TM9SF2: variants seen among roughly 807,000 people sequenced by gnomAD.
TM9SF2 encodes 76 kDa membrane protein.
TM9SF2 carries 13 observed loss-of-function variants against 84.9 expected under a neutral mutation model. That is an observed-to-expected ratio of 0.15 (90% CI 0.10 to 0.24). TM9SF2 has a LOEUF of 0.24. Ranked by LOEUF, TM9SF2 falls within the 10% of genes least tolerant of loss-of-function variation. The pLI, the probability that TM9SF2 is intolerant of heterozygous loss-of-function variation, is 1.00. For synonymous variants in TM9SF2, 273 were observed against 285.8 expected, an observed-to-expected ratio of 0.96 and a Z score of 0.45; for missense variants, 562 against 818.5, an observed-to-expected ratio of 0.69 and a Z score of 3.82.
chr13:99,558,860 A>G (rs2046334314), intron 15 of TM9SF2, among the ~76,000 whole-genome samples: 1 of 152,184 alleles, frequency 6.6e-6, no homozygotes, highest in Non-Finnish European at 1.5e-5. Context: ...TCTTCTGTTA[A>G]GCTATAAGCC....
chr13:99,539,588 T>G, intron 7 of TM9SF2, 31 bp downstream of exon 7: 1 of 1,334,122 alleles, frequency 7.5e-7, no homozygotes, highest in Non-Finnish European at 1.1e-6. Flanking sequence ...AGTATAACTC[T>G]GAAATTGATT....
At chr13:99,514,865 G>A (rs564613780) in intron 1 of TM9SF2, among the ~76,000 whole-genome samples, 20 of 152,242 alleles carry the variant, frequency 1.3e-4, no homozygotes, top group African/African-American at 4.6e-4. Context: ...TAGTAAATAC[G>A]GTACTTTATG....
chr13:99,536,782 T>C (rs781201809), intron 5 of TM9SF2, 45 bp downstream of exon 5: 1 of 1,604,618 alleles, frequency 6.2e-7, no homozygotes, highest in South Asian at 1.1e-5. Flanking sequence ...AACATGGCTT[T>C]TGATAGAATT....
intron 15 of TM9SF2, 102 bp from the exon 16 acceptor site, chr13:99,559,261 T>C (rs2046335539): frequency 9.4e-6 from 9 of 958,564 alleles, no homozygotes; most frequent in African/African-American, 1.7e-5. Context: ...AGAAATTAGA[T>C]TGGGGGCTGT....
At chr13:99,558,005 G>C (rs912886881) in intron 15 of TM9SF2, among the ~76,000 whole-genome samples, 3 of 152,184 alleles carry the variant, frequency 2.0e-5, no homozygotes, top group African/African-American at 7.2e-5. Flanking sequence ...TTTGTATTTT[G>C]TGTGATGTAG....
chr13:99,554,649 A>G (rs1370361299), intron 14 of TM9SF2, among the ~76,000 whole-genome samples, 194 bp downstream of exon 14: 1 of 152,226 alleles, frequency 6.6e-6, no homozygotes, highest in Admixed American at 6.5e-5. Context: ...CAGCTAGTAT[A>G]ATATGAATTC....
intron 12 of TM9SF2, among the ~76,000 whole-genome samples, chr13:99,551,220 C>G (rs534431649): frequency 2.0e-5 from 3 of 152,140 alleles, no homozygotes; most frequent in Non-Finnish European, 4.4e-5. Context: ...ATTATTAACT[C>G]GAAAGAGATG....
At chr13:99,532,294 C>A (rs1453610000) in intron 4 of TM9SF2, among the ~76,000 whole-genome samples, 4 of 151,946 alleles carry the variant, frequency 2.6e-5, no homozygotes, top group Non-Finnish European at 5.9e-5. Context: ...TCGTGATCCG[C>A]CCGCCTCTGC....
chr13:99,525,062 G>A (rs1358991002), intron 3 of TM9SF2, among the ~76,000 whole-genome samples: 2 of 152,118 alleles, frequency 1.3e-5, no homozygotes, highest in African/African-American at 4.8e-5. Context: ...CTTGGGTTTA[G>A]CCTTCAATGT....
At position 99,562,861 on chromosome 13, in the gene TM9SF2, G is replaced by A; in HGVS notation, c.*103G>A. Reference sequence around the variant, plus strand: ...GAGTTTTATCAGAATTATTGGCCTAGTAATCCTTCAGAAACACCGTAATTC... The same window carrying A: ...GAGTTTTATCAGAATTATTGGCCTAATAATCCTTCAGAAACACCGTAATTC... On this transcript the variant is annotated 3_prime_UTR_variant, in exon 17 of 17. Coordinates refer to ENST00000376387, the MANE Select transcript of TM9SF2 (RefSeq NM_004800.3). The A allele has an allele frequency of 8.9e-7, 1 of 1,118,664 alleles. No homozygotes were observed. The highest frequency in any genetic ancestry group is 1.3e-6 in the Non-Finnish European group (1 of 763,084). 69.3% of individuals were successfully genotyped at this position (1,118,664 alleles called of 1,614,324 possible).
chr13:99,535,841 T>C (rs535751475), intron 4 of TM9SF2, among the ~76,000 whole-genome samples: 1 of 152,362 alleles, frequency 6.6e-6, no homozygotes, highest in African/African-American at 2.4e-5. Flanking sequence ...TGGACTGTAA[T>C]GTAGTTATAT....
intron 1 of TM9SF2, among the ~76,000 whole-genome samples, chr13:99,502,582 C>G (rs2046071413): frequency 6.6e-6 from 1 of 152,190 alleles, no homozygotes; most frequent in African/African-American, 2.4e-5. Flanking sequence ...TTACAACATT[C>G]ACACTCAAGG....
chr13:99,559,635 T>C (rs1377426514), intron 16 of TM9SF2, 101 bp downstream of exon 16: 2 of 1,122,536 alleles, frequency 1.8e-6, no homozygotes, highest in Non-Finnish European at 2.5e-6. Context: ...CTTATTCTGT[T>C]AGTGCTCCCA....
intron 4 of TM9SF2, among the ~76,000 whole-genome samples, chr13:99,533,771 G>A (rs995318414): frequency 6.6e-6 from 1 of 152,106 alleles, no homozygotes; most frequent in Non-Finnish European, 1.5e-5. Context: ...TGATTCTCCT[G>A]CCTCTGCCTC....
At chr13:99,514,490 C>A (rs535219074) in intron 1 of TM9SF2, among the ~76,000 whole-genome samples, 1 of 152,276 alleles carries the variant, frequency 6.6e-6, no homozygotes, top group South Asian at 2.1e-4. Context: ...CATATATATA[C>A]CCCCAGGTGT....
chr13:99,522,757 A>T (rs76431017), intron 3 of TM9SF2, among the ~76,000 whole-genome samples: 14,881 of 152,160 alleles, frequency 0.098, 870 homozygotes, highest in East Asian at 0.21. Context: ...ACTCAAACCC[A>T]TGGGGAGGTG....
At position 99,530,187 on chromosome 13, in the gene TM9SF2, G is replaced by A. The variant is rs138882425; in HGVS notation, c.461+593G>A. Among the ~76,000 whole-genome samples the A allele has an allele frequency of 6.5e-3, 989 of 152,324 alleles. 15 individuals carry two copies. Among genetic ancestry groups the A allele is most frequent in the African/African-American group, 0.023 (939 of 41,574 alleles). ...ACGCCTGTAATCCCAGCACTTGGGA[G>A]GCTGAGGCGGTTGGATCACGAGGTC... On this transcript the variant is annotated intron_variant, in intron 4 of 16. Transcript: ENST00000376387.
intron 1 of TM9SF2, chr13:99,514,159 A>G (rs946798731): frequency 6.6e-6 from 1 of 152,232 alleles, no homozygotes; most frequent in African/African-American, 2.4e-5. Flanking sequence ...TAGCCATTGT[A>G]ACATCACAGT....
intron 13 of TM9SF2, 66 bp from the exon 14 acceptor site, chr13:99,554,238 C>G: frequency 6.5e-7 from 1 of 1,546,668 alleles, no homozygotes; most frequent in East Asian, 2.3e-5. Context: ...CAAATAATCT[C>G]GTGTAGAGAA....
Sources: allele counts gnomAD v4.1 joint callset (sites outside exome capture counted in the v4.1 genomes callset), GRCh38; gene constraint gnomAD v4.1.1; transcripts MANE v1.5; gene names NCBI Gene and HGNC (gene_info 2026-07-23, HGNC 2026-07-21).